The following WLS variants were observed in gnomAD, a reference collection of about 807,000 sequenced individuals.
The protein encoded by WLS is protein wntless homolog.
A neutral mutation model predicts 62.8 loss-of-function variants in WLS; 23 were observed. The ratio of observed to expected loss-of-function variants is 0.37; its 90% CI spans 0.26 to 0.52. The LOEUF is 0.52. Among genes scored for constraint, WLS ranks in the 20% least tolerant of loss-of-function variants. The probability of loss-of-function intolerance (pLI) is 0.92; values close to 1 mark genes in which losing one functional copy is unlikely to be tolerated. For synonymous variants in WLS, 246 were observed against 244.1 expected (o/e 1.01, Z -0.07); for missense variants, 615 against 697.3 (o/e 0.88, Z 1.33).
chr1:68,099,602 C>T (rs1273638549), intron 11 of WLS: 1 of 152,182 alleles, frequency 6.6e-6, no homozygotes, highest in African/African-American at 2.4e-5. Context: ...TATGCCCCTC[C>T]TCCCATATAC....
chr1:68,202,386 A>G (rs1308469467), intron 1 of WLS: 1 of 152,142 alleles, frequency 6.6e-6, no homozygotes, highest in African/African-American at 2.4e-5. Context: ...CTGGATTAGG[A>G]CTCAAAAACT....
At chr1:68,219,435 A>G (rs373779132) in intron 1 of WLS, among the ~76,000 whole-genome samples, 3 of 152,326 alleles carry the variant, frequency 2.0e-5, no homozygotes, top group African/African-American at 7.2e-5. Context: ...GTAAGCATGT[A>G]TATTATGAAG....
In WLS at chr1:68,106,716, C is replaced by CTGTGTGTGTG. The variant is rs59601112; in HGVS notation, c.1511-7973_1511-7964dup. Among the ~76,000 whole-genome samples the CTGTGTGTGTG allele has an allele frequency of 7.6e-4, 111 of 146,824 alleles. 1 individual carries two copies. Among genetic ancestry groups the CTGTGTGTGTG allele is most frequent in the African/African-American group, 2.4e-3 (95 of 39,466 alleles). ...GAAACGCGTGTGCATGTGTTTGTCACTGTGTGTGTGTGTGTGTGTGTGTGT... is the reference window on the plus strand; with the variant it reads ...GAAACGCGTGTGCATGTGTTTGTCACTGTGTGTGTGTGTGTGTGTGTGTGTGTGTGTGTGT... On this transcript the variant is annotated intron_variant, in intron 11 of 11. Coordinates refer to the WLS transcript ENST00000354777.
intron 2 of WLS, chr1:68,162,741 G>C: frequency 8.8e-7 from 1 of 1,138,796 alleles, no homozygotes; most frequent in Non-Finnish European, 1.3e-6. Flanking sequence ...TTCCGAGCTC[G>C]CTGGCAGCCT....
chr1:68,230,259 G>A (rs926806145), intron 1 of WLS, among the ~76,000 whole-genome samples: 44 of 152,102 alleles, frequency 2.9e-4, no homozygotes, highest in African/African-American at 1.0e-3. Context: ...TTTGCTGCTT[G>A]TGCAAAAACC....
At chr1:68,166,612 C>G (rs1035093743) in intron 2 of WLS, among the ~76,000 whole-genome samples, 3 of 152,188 alleles carry the variant, frequency 2.0e-5, no homozygotes, top group African/African-American at 7.2e-5. Flanking sequence ...AAGAGCCACT[C>G]AACACAAACT....
At chr1:68,226,966 G>C (rs1557531738) in intron 1 of WLS, among the ~76,000 whole-genome samples, 1 of 152,160 alleles carries the variant, frequency 6.6e-6, no homozygotes, top group Non-Finnish European at 1.5e-5. Flanking sequence ...CTCAATCTGG[G>C]TTTCAGGCAG....
chr1:68,181,205 T>G (rs1395469684), intron 2 of WLS, among the ~76,000 whole-genome samples: 1 of 152,132 alleles, frequency 6.6e-6, no homozygotes. Context: ...CAGCTGGCAT[T>G]TAAATACTGA....
At chr1:68,229,551 CTG>C (rs769230352) in intron 1 of WLS, among the ~76,000 whole-genome samples, 6 of 152,194 alleles carry the variant, frequency 3.9e-5, no homozygotes, top group Non-Finnish European at 8.8e-5. Context: ...AGCCTACAAA[CTG>C]TTCCTTCAAC....
At chr1:68,187,968 A>G (rs1648065359) in intron 2 of WLS, among the ~76,000 whole-genome samples, 1 of 152,194 alleles carries the variant, frequency 6.6e-6, no homozygotes, top group South Asian at 2.1e-4. Context: ...GCTCTGCATT[A>G]TGTTACTCAA....
At chr1:68,175,444 G>A (rs1246495773) in intron 2 of WLS, among the ~76,000 whole-genome samples, 7 of 152,136 alleles carry the variant, frequency 4.6e-5, no homozygotes, top group Admixed American at 1.3e-4. Flanking sequence ...TAGGACACCC[G>A]CTTCTTGCTC....
chr1:68,193,259 C>G (rs12749094), intron 2 of WLS, among the ~76,000 whole-genome samples: 1 of 151,546 alleles, frequency 6.6e-6, no homozygotes, highest in Non-Finnish European at 1.5e-5. Flanking sequence ...AAAAAGTTTT[C>G]TTACTTCTCA....
intron 1 of WLS, among the ~76,000 whole-genome samples, chr1:68,224,402 C>T (rs1157273945): frequency 1.3e-5 from 2 of 152,152 alleles, no homozygotes; most frequent in Admixed American, 1.3e-4. Context: ...CTATATTCTA[C>T]CCCCATCTTC....
chr1:68,185,173 C>T (rs572523777), intron 2 of WLS, among the ~76,000 whole-genome samples: 2 of 152,274 alleles, frequency 1.3e-5, no homozygotes, highest in South Asian at 4.1e-4. Context: ...AGGTTGAAAG[C>T]TCAGTCCCAT....
intron 2 of WLS, among the ~76,000 whole-genome samples, chr1:68,164,681 C>T: frequency 6.6e-6 from 1 of 152,172 alleles, no homozygotes; most frequent in East Asian, 1.9e-4. Context: ...CCTGAAGCCA[C>T]TCAGAATTTG....
At chr1:68,141,565 C>T (rs563378868) in intron 10 of WLS, 3 of 152,284 alleles carry the variant, frequency 2.0e-5, no homozygotes, top group East Asian at 3.9e-4. Context: ...CACAGCTTCC[C>T]GTCGCCTTTC....
chr1:68,129,053 G>C (rs549225670), intron 11 of WLS, among the ~76,000 whole-genome samples: 166 of 152,266 alleles, frequency 1.1e-3, no homozygotes, highest in Non-Finnish European at 2.0e-3. Context: ...AGCCGGGTGC[G>C]GTGGCTCACA....
rs1646425882 is a variant in WLS at position 68,126,086 on chromosome 1, T to C, written c.*140A>G. On this transcript the variant is annotated 3_prime_UTR_variant, in exon 12 of 12. Coordinates refer to ENST00000262348, the MANE Select transcript of WLS (RefSeq NM_024911.7). Reference sequence around the variant, plus strand: ...CCGTCAGAAGGCAAACTGACAAATGTCCATGCCGCTGGTCCAAGAAACCAC... The same window carrying C: ...CCGTCAGAAGGCAAACTGACAAATGCCCATGCCGCTGGTCCAAGAAACCAC... 1 of 1,450,146 alleles carries C rather than the reference T, an allele frequency of 6.9e-7. No homozygotes were observed. The highest frequency in any genetic ancestry group is 9.1e-7 in the Non-Finnish European group (1 of 1,097,564). The allele number at this position is 1,450,146 out of a possible 1,614,324, so 89.8% of individuals were successfully genotyped here. A position where few individuals can be genotyped will look rare whatever the true frequency, so the allele number is the denominator to read the frequency against.
In WLS at chr1:68,163,156, T is replaced by A. The variant is rs1647007784; in HGVS notation, c.380-3909A>T. ...CAGTCCTCTAAGAACTTAGGGGAACTCGCAGGAGTCTCCGTGCATGACGCC... is the reference window on the plus strand; with the variant it reads ...CAGTCCTCTAAGAACTTAGGGGAACACGCAGGAGTCTCCGTGCATGACGCC... On this transcript the variant is annotated intron_variant, in intron 2 of 11. Coordinates refer to ENST00000262348, the MANE Select transcript of WLS (RefSeq NM_024911.7). 3.9e-6 allele frequency: 4 copies of A among 1,021,468 alleles called. No individual in the cohort carries two copies. The Middle Eastern group carries it at 9.6e-4, about 245-fold the overall frequency. 63.3% of individuals were successfully genotyped at this position (1,021,468 alleles called of 1,614,324 possible).
Sources: gnomAD v4.1 joint callset for allele counts (sites outside exome capture counted in the v4.1 genomes callset) on GRCh38, gnomAD v4.1.1 for gene constraint, MANE v1.5 for transcripts, NCBI Gene and HGNC (gene_info 2026-07-23, HGNC 2026-07-21) for gene names.